The following STK3 variants were observed in gnomAD, a reference collection of about 807,000 sequenced individuals.
The protein encoded by STK3 is serine/threonine-protein kinase 3.
Under a neutral mutation model 58.0 loss-of-function variants are expected in STK3, and 41 were observed. The observed-to-expected ratio is 0.71, with a 90% CI of 0.55 to 0.92. The LOEUF is 0.92. STK3 is among the 40% of genes least tolerant of loss of function. The pLI is 0.00. For synonymous variants in STK3, 170 were observed against 191.0 expected, an observed-to-expected ratio of 0.89 and a Z score of 0.91; for missense variants, 479 against 602.7, an observed-to-expected ratio of 0.79 and a Z score of 2.15.
intron 3 of STK3, among the ~76,000 whole-genome samples, chr8:98,407,720 G>A (rs1818009961): frequency 2.9e-5 from 1 of 34,130 alleles, no homozygotes; most frequent in Non-Finnish European, 8.5e-5. Flanking sequence ...GTGCATGTGT[G>A]TGTGTGTGTG....
At chr8:98,888,418 T>C (rs1220576123) in intron 1 of STK3, among the ~76,000 whole-genome samples, 1 of 152,312 alleles carries the variant, frequency 6.6e-6, no homozygotes, top group African/African-American at 2.4e-5. Context: ...GCCTCCGGTG[T>C]CTGAGGCTTG....
At chr8:98,741,453 A>G (rs997268739) in intron 4 of STK3, among the ~76,000 whole-genome samples, 27 of 152,104 alleles carry the variant, frequency 1.8e-4, no homozygotes, top group Admixed American at 5.2e-4. Context: ...ACTCAAAACC[A>G]CTCAACTACA....
intron 7 of STK3, among the ~76,000 whole-genome samples, chr8:98,582,694 T>C (rs1486694271): frequency 6.6e-6 from 1 of 152,132 alleles, no homozygotes; most frequent in African/African-American, 2.4e-5. Flanking sequence ...ATACCATTTG[T>C]GGGCATTTAA....
chr8:98,794,486 G>A (rs1487526664), intron 1 of STK3, among the ~76,000 whole-genome samples: 2 of 152,094 alleles, frequency 1.3e-5, no homozygotes, highest in East Asian at 1.9e-4. Context: ...TAGAAACCCT[G>A]AGCAGACATC....
intron 7 of STK3, among the ~76,000 whole-genome samples, chr8:98,586,146 G>A (rs192588899): frequency 1.3e-5 from 2 of 151,750 alleles, no homozygotes; most frequent in East Asian, 1.9e-4. Flanking sequence ...GAATAGGAGT[G>A]GTGAGAGAGG....
chr8:98,858,599 AGGGAGATATCT>A (rs1836804381), intron 3 of STK3, among the ~76,000 whole-genome samples: 3 of 151,020 alleles, frequency 2.0e-5, no homozygotes, highest in Non-Finnish European at 4.4e-5. Flanking sequence ...AGCCTCTAAA[AGGGAGATATCT>A]GGGCCAGGCG....
chr8:98,669,338 G>A (rs1439003624), intron 6 of STK3, among the ~76,000 whole-genome samples: 4 of 152,038 alleles, frequency 2.6e-5, no homozygotes, highest in African/African-American at 9.7e-5. Flanking sequence ...TCTAAAAAAA[G>A]ACTTGGATTT....
At position 98,420,603 on chromosome 8, in the gene STK3, C is replaced by T. The variant is rs567899454; in HGVS notation, n.483+13524G>A. Among the ~76,000 whole-genome samples, 5 of 152,252 alleles carry T rather than the reference C, an allele frequency of 3.3e-5. No homozygotes were observed. In the East Asian group the frequency reaches 9.6e-4, roughly 29 times the overall value. ...CCTGGGATTTGGGGGTTGTTTGTTA[C>T]AGCAATTAGCCTACCCTAATTGGTC... On this transcript the variant is annotated intron_variant and non_coding_transcript_variant, in intron 3 of 3. Transcript: ENST00000517832.
chr8:98,781,804 A>T (rs1364561150), intron 1 of STK3, among the ~76,000 whole-genome samples: 1 of 152,124 alleles, frequency 6.6e-6, no homozygotes, highest in South Asian at 2.1e-4. Flanking sequence ...AATAAAAAAA[A>T]AAATTATTAA....
chr8:98,558,398 G>A (rs1249846408), intron 8 of STK3, among the ~76,000 whole-genome samples: 1 of 152,060 alleles, frequency 6.6e-6, no homozygotes, highest in Non-Finnish European at 1.5e-5. Context: ...CCACTGTCAT[G>A]TTGATACCTT....
At chr8:98,864,195 CT>C (rs1186079340) in intron 3 of STK3, among the ~76,000 whole-genome samples, 1 of 86,434 alleles carries the variant, frequency 1.2e-5, no homozygotes, top group Non-Finnish European at 2.1e-5. Context: ...GAGACTCCTT[CT>C]CAAAAAAAAA....
intron 1 of STK3, among the ~76,000 whole-genome samples, chr8:98,779,603 T>A (rs1831950223): frequency 6.6e-6 from 1 of 152,122 alleles, no homozygotes; most frequent in Non-Finnish European, 1.5e-5. Context: ...TGGCCTTGGG[T>A]CCCAGCCCCA....
chr8:98,738,671 C>T (rs1006906039), intron 4 of STK3, among the ~76,000 whole-genome samples: 7 of 152,138 alleles, frequency 4.6e-5, no homozygotes, highest in African/African-American at 1.2e-4. Context: ...ACGCAGAAGA[C>T]GGGTGATTTC....
chr8:98,851,038 C>T (rs1053080568), intron 3 of STK3, among the ~76,000 whole-genome samples: 2 of 152,144 alleles, frequency 1.3e-5, no homozygotes, highest in Non-Finnish European at 2.9e-5. Flanking sequence ...GAGATTTTCT[C>T]TGCTCTCCTA....
chr8:98,554,673 G>A (rs551443994), intron 8 of STK3, among the ~76,000 whole-genome samples: 1 of 152,156 alleles, frequency 6.6e-6, no homozygotes, highest in South Asian at 2.1e-4. Flanking sequence ...TCACTAATGA[G>A]AGGGTGACAC....
intron 6 of STK3, among the ~76,000 whole-genome samples, chr8:98,676,745 T>C (rs1823242909): frequency 6.6e-6 from 1 of 152,186 alleles, no homozygotes; most frequent in Admixed American, 6.5e-5. Context: ...GTATATAACA[T>C]CTCTGAATTG....
chr8:98,493,874 T>G (rs1002862089), intron 10 of STK3, among the ~76,000 whole-genome samples: 3 of 152,208 alleles, frequency 2.0e-5, no homozygotes, highest in African/African-American at 7.2e-5. Context: ...CTTCACCTAG[T>G]TATTCAGGTA....
At chr8:98,568,111 AGACT>A (rs888271431) in intron 8 of STK3, among the ~76,000 whole-genome samples, 4 of 143,664 alleles carry the variant, frequency 2.8e-5, no homozygotes, top group African/African-American at 5.1e-5. Context: ...ATAGATAGAT[AGACT>A]GATTTAAAAA....
At chr8:98,903,273 C>T (rs1362064691) in intron 1 of STK3, among the ~76,000 whole-genome samples, 1 of 152,174 alleles carries the variant, frequency 6.6e-6, no homozygotes, top group Non-Finnish European at 1.5e-5. Flanking sequence ...GACTATTATA[C>T]AGTCCCAAGT....
Sources: gnomAD v4.1 joint callset for allele counts (sites outside exome capture counted in the v4.1 genomes callset) on GRCh38, gnomAD v4.1.1 for gene constraint, MANE v1.5 for transcripts, NCBI Gene and HGNC (gene_info 2026-07-23, HGNC 2026-07-21) for gene names.